Variants in MTMR3 observed in about 807,000 individuals in gnomAD.
MTMR3 encodes the protein myotubularin related protein 3.
In MTMR3, 32 loss-of-function variants were observed where a neutral mutation model predicts 132.4. That is an observed-to-expected ratio of 0.24 (90% CI 0.18 to 0.32). The LOEUF (loss-of-function observed/expected upper bound fraction) is 0.32, where lower values mean the gene tolerates loss of function less well. Among genes scored for constraint, MTMR3 ranks in the 10% least tolerant of loss-of-function variants. The pLI is 1.00. For missense variants in MTMR3, 1,216 were observed against 1,489.6 expected (o/e 0.82, Z 3.02); for synonymous variants, 556 against 550.3 (o/e 1.01, Z -0.14).
At chr22:29,901,041 A>G (rs2064994241) in intron 1 of MTMR3, among the ~76,000 whole-genome samples, 1 of 152,160 alleles carries the variant, frequency 6.6e-6, no homozygotes, top group Non-Finnish European at 1.5e-5. Context: ...ATACGTAAAG[A>G]CTTTTAGGCA....
intron 1 of MTMR3, among the ~76,000 whole-genome samples, chr22:29,940,997 G>A (rs1464306164): frequency 6.7e-6 from 1 of 149,966 alleles, no homozygotes; most frequent in Non-Finnish European, 1.5e-5. Flanking sequence ...CTGCACCACT[G>A]CAGCCACTGC....
chr22:30,022,685 A>G lies in MTMR3; in HGVS notation c.3413A>G (p.Lys1138Arg), dbSNP rs760436131. Residue 1138 changes from lysine (K) to arginine (R), a missense_variant, in exon 19 of 20, where the codon AAG becomes AGG. This residue lies in a region of MTMR3 where 852 missense variants were observed against 852.0 expected (regional missense o/e 1.00). Transcript: ENST00000401950. ...CDSAFWLASR[K>R]HHCRNCGNVF... Reference sequence around the variant, plus strand: ...AGTGCCTTCTGGCTTGCCAGCAGGAAGCACCACTGCAGGTACCATTGAGGG... The same window carrying G: ...AGTGCCTTCTGGCTTGCCAGCAGGAGGCACCACTGCAGGTACCATTGAGGG... 9 of 1,608,840 alleles carry G rather than the reference A, an allele frequency of 5.6e-6. No individual in the cohort carries two copies. Among genetic ancestry groups the G allele is most frequent in the Non-Finnish European group, 7.6e-6 (9 of 1,179,866 alleles).
chr22:29,942,022 C>G (rs2065866529), intron 1 of MTMR3, among the ~76,000 whole-genome samples: 1 of 152,080 alleles, frequency 6.6e-6, no homozygotes, highest in South Asian at 2.1e-4. Flanking sequence ...TATTTTCTAT[C>G]TTGAATGCCT....
intron 1 of MTMR3, among the ~76,000 whole-genome samples, chr22:29,921,535 C>A (rs113030941): frequency 0.012 from 809 of 66,132 alleles, 3 homozygotes; most frequent in African/African-American, 0.026. Context: ...TCTGAAATTC[C>A]TATTTTACTG....
At chr22:29,906,066 C>G (rs752923490) in intron 1 of MTMR3, among the ~76,000 whole-genome samples, 1 of 151,964 alleles carries the variant, frequency 6.6e-6, no homozygotes, top group Non-Finnish European at 1.5e-5. Context: ...GTGTTTTCTA[C>G]GCTGGCCTTT....
chr22:29,978,353 A>G, intron 3 of MTMR3, 89 bp from the exon 4 acceptor site: 1 of 956,078 alleles, frequency 1.0e-6, no homozygotes. Context: ...TTGTACTTTC[A>G]TTGTGATTAT....
At chr22:29,885,176 G>A (rs1392452244) in intron 1 of MTMR3, among the ~76,000 whole-genome samples, 1 of 152,176 alleles carries the variant, frequency 6.6e-6, no homozygotes, top group Non-Finnish European at 1.5e-5. Flanking sequence ...AGGACCTGGT[G>A]AATTAAAATC....
chr22:29,958,491 C>T (rs2066244460), intron 2 of MTMR3, among the ~76,000 whole-genome samples: 1 of 152,166 alleles, frequency 6.6e-6, no homozygotes, highest in African/African-American at 2.4e-5. Flanking sequence ...CCACACCGAC[C>T]TACCTCCTGT....
At chr22:29,957,871 A>G (rs962182606) in intron 2 of MTMR3, among the ~76,000 whole-genome samples, 1 of 152,182 alleles carries the variant, frequency 6.6e-6, no homozygotes. Flanking sequence ...CTACACATTC[A>G]TATGACTTTC....
intron 1 of MTMR3, among the ~76,000 whole-genome samples, chr22:29,919,978 G>A (rs1178175953): frequency 6.6e-6 from 1 of 152,120 alleles, no homozygotes. Context: ...CACTTTGGGA[G>A]GCTGAGGCGG....
In MTMR3 at chr22:30,020,085, T is replaced by G; in HGVS notation, c.2426T>G (p.Val809Gly). The change falls in exon 17 of 20, where the codon GTT (valine) becomes GGT (glycine). Residue 809 changes from valine (V) to glycine (G), a missense_variant. By Grantham distance (109) the Val-to-Gly change is moderately radical. Coordinates refer to ENST00000401950, the MANE Select transcript of MTMR3 (RefSeq NM_021090.4). Reference sequence around the variant, plus strand: ...ATTGCAGAGGGTAGGGAGGAAGCAGTTCTTCCAATCCCAGTAGATGCAAAA... The same window carrying G: ...ATTGCAGAGGGTAGGGAGGAAGCAGGTCTTCCAATCCCAGTAGATGCAAAA... The part of the protein sequence containing the change: ...EEIAEGREEA[V>G]LPIPVDAKVG... 1 of 1,614,192 alleles carries G rather than the reference T, an allele frequency of 6.2e-7. No individual in the cohort carries two copies. The highest frequency in any genetic ancestry group is 8.5e-7 in the Non-Finnish European group (1 of 1,180,030).
intron 16 of MTMR3, chr22:30,018,858 C>T (rs2067669602): frequency 6.6e-6 from 1 of 152,176 alleles, no homozygotes; most frequent in Non-Finnish European, 1.5e-5. Context: ...ACCAGTGCTA[C>T]TTTGCCATCC....
At position 30,013,338 on chromosome 22, in the gene MTMR3, C is replaced by G; in HGVS notation, c.1318-18C>G. On this transcript the variant is annotated intron_variant, in intron 13 of 19. Transcript: ENST00000401950. Reference sequence around the variant, plus strand: ...GATAGTCTAGCACAAATGGTCTCTCCTGGATGCTTCCCTGCAGGGTTTCCA... The same window carrying G: ...GATAGTCTAGCACAAATGGTCTCTCGTGGATGCTTCCCTGCAGGGTTTCCA... 6.2e-7 allele frequency: 1 copy of G among 1,613,054 alleles called. No individual in the cohort carries two copies. Among genetic ancestry groups the G allele is most frequent in the Non-Finnish European group, 8.5e-7 (1 of 1,179,416 alleles).
chr22:29,965,282 A>G (rs565379699), intron 2 of MTMR3, among the ~76,000 whole-genome samples: 10 of 152,042 alleles, frequency 6.6e-5, no homozygotes, highest in African/African-American at 2.2e-4. Context: ...AAAGAACATC[A>G]TTTTACAGAA....
chr22:30,021,941 T>A (rs2067767629), intron 17 of MTMR3, 88 bp from the exon 18 acceptor site: 1 of 1,021,332 alleles, frequency 9.8e-7, no homozygotes, highest in East Asian at 2.4e-5. Context: ...CCACCCAGAG[T>A]CCTCAGTTCT....
chr22:29,969,631 C>T (rs369314265), intron 2 of MTMR3, among the ~76,000 whole-genome samples: 19 of 151,856 alleles, frequency 1.3e-4, no homozygotes, highest in East Asian at 1.2e-3. Context: ...CCCAGGTTCA[C>T]GTTATTCTCC....
intron 1 of MTMR3, among the ~76,000 whole-genome samples, chr22:29,947,587 G>A (rs2065977995): frequency 6.6e-6 from 1 of 151,618 alleles, no homozygotes; most frequent in Admixed American, 6.6e-5. Context: ...TTCAAGGTTT[G>A]GTCTGTCTGA....
chr22:29,905,450 A>C (rs2145734265), intron 1 of MTMR3, among the ~76,000 whole-genome samples: 1 of 152,292 alleles, frequency 6.6e-6, no homozygotes, highest in South Asian at 2.1e-4. Flanking sequence ...GTTGATATAT[A>C]GTAGTTGATA....
chr22:29,977,127 C>T (rs1277680196), intron 3 of MTMR3, among the ~76,000 whole-genome samples: 1 of 151,330 alleles, frequency 6.6e-6, no homozygotes, highest in African/African-American at 2.5e-5. Context: ...CTTGTCTCTA[C>T]TGAAAATAAA....
Sources: allele counts gnomAD v4.1 joint callset (sites outside exome capture counted in the v4.1 genomes callset), GRCh38; gene constraint gnomAD v4.1.1; regional missense constraint gnomAD v4.1.1; transcripts MANE v1.5; gene names NCBI Gene and HGNC (gene_info 2026-07-23, HGNC 2026-07-21).